ICA1L: variants seen among roughly 807,000 people sequenced by gnomAD.
The protein encoded by ICA1L is islet cell autoantigen 1-like protein.
Under a neutral mutation model 61.3 loss-of-function variants are expected in ICA1L, and 50 were observed. The ratio of observed to expected loss-of-function variants is 0.82; its 90% CI spans 0.65 to 1.03. The LOEUF is 1.03. Ranked by LOEUF, ICA1L falls within the 50% of genes least tolerant of loss-of-function variation. The probability of loss-of-function intolerance (pLI) is 0.00; values close to 1 mark genes in which losing one functional copy is unlikely to be tolerated. For missense variants in ICA1L, 508 were observed against 556.7 expected (o/e 0.91, Z 0.88); for synonymous variants, 161 against 191.3 (o/e 0.84, Z 1.31).
rs749021819 is a variant in ICA1L, at chr2:202,854,969, AAAAC to A, written c.-8+16646_-8+16649del. On this transcript the variant is annotated intron_variant, in intron 1 of 12. Transcript: ENST00000358299. ...TGAACCCAGGAGGCAGAGGTCTCAAAAAACAAACAAACAAAAAAAGAAACTCACT... is the reference window on the plus strand; with the variant it reads ...TGAACCCAGGAGGCAGAGGTCTCAAAAAACAAACAAAAAAAGAAACTCACT... Among the ~76,000 whole-genome samples the A allele has an allele frequency of 7.2e-5, 11 of 152,250 alleles. No individual in the cohort carries two copies. In the East Asian group the frequency reaches 1.5e-3, roughly 21 times the overall value.
chr2:202,784,623 A>T (rs1204201183), intron 12 of ICA1L, among the ~76,000 whole-genome samples: 1 of 152,210 alleles, frequency 6.6e-6, no homozygotes, highest in Admixed American at 6.5e-5. Flanking sequence ...TATCTGTCAA[A>T]CAGAGTATTA....
chr2:202,796,307 A>T lies in ICA1L; in HGVS notation c.985+583T>A, dbSNP rs187174657. On this transcript the variant is annotated intron_variant, in intron 10 of 12. Coordinates refer to ENST00000358299, the MANE Select transcript of ICA1L (RefSeq NM_001288622.3). ...GACTGTATTTAAAAGCTTTAAAAAAATTTTTTTAACTTAAAGAAATTTAAA... is the reference window on the plus strand; with the variant it reads ...GACTGTATTTAAAAGCTTTAAAAAATTTTTTTTAACTTAAAGAAATTTAAA... 3.8e-4 allele frequency among the ~76,000 whole-genome samples: 58 copies of T among 152,298 alleles called. 1 individual carries two copies. The highest frequency in any genetic ancestry group is 3.4e-3 in the Middle Eastern group (1 of 294).
intron 1 of ICA1L, among the ~76,000 whole-genome samples, chr2:202,835,230 TTTTTTTTTG>T (rs1694116307): frequency 6.8e-6 from 1 of 147,302 alleles, no homozygotes. Flanking sequence ...TTTTTTTTTT[TTTTTTTTTG>T]ACAGAGTCTT....
At chr2:202,829,841 A>T (rs934996324) in intron 1 of ICA1L, among the ~76,000 whole-genome samples, 13 of 152,206 alleles carry the variant, frequency 8.5e-5, no homozygotes, top group Non-Finnish European at 1.5e-4. Flanking sequence ...TGCTTTTGTA[A>T]TAAAACTGCA....
At chr2:202,806,090 A>T (rs1460801800) in intron 9 of ICA1L, among the ~76,000 whole-genome samples, 1 of 152,192 alleles carries the variant, frequency 6.6e-6, no homozygotes, top group African/African-American at 2.4e-5. Flanking sequence ...GCACTTCGGG[A>T]GGCTGAGCCG....
At chr2:202,847,911 C>A (rs1397130581) in intron 1 of ICA1L, among the ~76,000 whole-genome samples, 1 of 151,890 alleles carries the variant, frequency 6.6e-6, no homozygotes, top group African/African-American at 2.4e-5. Flanking sequence ...TAAAAAAGAA[C>A]AAAATCATGT....
rs755015399 is a variant in ICA1L at position 202,793,494 on chromosome 2, T to TAAAAAAA, written c.985+3389_985+3395dup. Among the ~76,000 whole-genome samples, 13 of 31,350 alleles carry TAAAAAAA rather than the reference T, an allele frequency of 4.1e-4. 1 individual carries two copies. Among genetic ancestry groups the TAAAAAAA allele is most frequent in the African/African-American group, 1.6e-3 (11 of 6,798 alleles). The allele number at this position is 31,350 out of a possible 152,430, so 20.6% of individuals were successfully genotyped here. A position where few individuals can be genotyped will look rare whatever the true frequency, so the allele number is the denominator to read the frequency against. Reference sequence around the variant, plus strand: ...CAACATGGCAATATCCCGTCTCTACTAAAAAAAAAAAAAAAAAAAAAAAAA... The same window carrying TAAAAAAA: ...CAACATGGCAATATCCCGTCTCTACTAAAAAAAAAAAAAAAAAAAAAAAAAAAAAAAA... On this transcript the variant is annotated intron_variant, in intron 10 of 12. Coordinates refer to ENST00000358299, the MANE Select transcript of ICA1L (RefSeq NM_001288622.3).
chr2:202,795,007 A>T (rs1692879456), intron 10 of ICA1L, among the ~76,000 whole-genome samples: 1 of 25,154 alleles, frequency 4.0e-5, no homozygotes, highest in Admixed American at 6.1e-4. Context: ...TAAGAAAATA[A>T]TAAAAAAAAA....
chr2:202,816,777 T>A (rs1693548485), intron 6 of ICA1L, among the ~76,000 whole-genome samples: 1 of 152,202 alleles, frequency 6.6e-6, no homozygotes, highest in African/African-American at 2.4e-5. Context: ...TTATTCAATT[T>A]TTTCCATTGA....
At chr2:202,825,608 T>C (rs1693820899) in intron 3 of ICA1L, 87 bp downstream of exon 3, 8 of 1,340,530 alleles carry the variant, frequency 6.0e-6, no homozygotes, top group Non-Finnish European at 7.9e-6. Context: ...ATTCACAAAA[T>C]TGTTTTTACA....
At chr2:202,798,366 G>T (rs958850058) in intron 9 of ICA1L, among the ~76,000 whole-genome samples, 20 of 152,146 alleles carry the variant, frequency 1.3e-4, no homozygotes, top group African/African-American at 4.6e-4. Context: ...CTCATCCCAA[G>T]TAGCTGGGAC....
At chr2:202,840,960 C>A (rs878878223) in intron 1 of ICA1L, 2 of 699,804 alleles carry the variant, frequency 2.9e-6, no homozygotes, top group South Asian at 1.4e-5. Context: ...CTCAGCCTGG[C>A]TGTGGTTGGC....
At chr2:202,865,228 G>C (rs973324867) in intron 1 of ICA1L, among the ~76,000 whole-genome samples, 3 of 151,898 alleles carry the variant, frequency 2.0e-5, no homozygotes, top group African/African-American at 7.3e-5. Flanking sequence ...CAGCACTCTG[G>C]AAGGCCGAGG....
At chr2:202,785,797 CATT>C (rs1476609855) in intron 12 of ICA1L, 118 bp downstream of exon 12, 1 of 547,380 alleles carries the variant, frequency 1.8e-6, no homozygotes, top group Non-Finnish European at 3.2e-6. Flanking sequence ...TAATAATAAT[CATT>C]ATTAAACTTT....
intron 1 of ICA1L, among the ~76,000 whole-genome samples, chr2:202,846,846 G>A (rs1343405382): frequency 1.3e-5 from 2 of 152,172 alleles, no homozygotes. Flanking sequence ...AAAAATATCT[G>A]AGAAGTTAAA....
At chr2:202,827,186 G>C (rs1286330987) in intron 2 of ICA1L, among the ~76,000 whole-genome samples, 3 of 152,168 alleles carry the variant, frequency 2.0e-5, no homozygotes, top group Non-Finnish European at 4.4e-5. Flanking sequence ...CTGAGGTCAG[G>C]AGTTTGAGAC....
At chr2:202,830,267 G>C (rs1457476727) in intron 1 of ICA1L, among the ~76,000 whole-genome samples, 5 of 152,088 alleles carry the variant, frequency 3.3e-5, no homozygotes, top group Admixed American at 2.6e-4. Context: ...AATTAGCCGG[G>C]CATGGTGGCA....
At chr2:202,862,272 C>CCCAA (rs1462555700) in intron 1 of ICA1L, among the ~76,000 whole-genome samples, 1 of 62,978 alleles carries the variant, frequency 1.6e-5, no homozygotes, top group Non-Finnish European at 2.6e-5. Flanking sequence ...CTCATTTCTA[C>CCCAA]AAAAAAAAAA....
chr2:202,841,459 T>C, intron 1 of ICA1L: 1 of 1,018,590 alleles, frequency 9.8e-7, no homozygotes, highest in Non-Finnish European at 1.5e-6. Context: ...GAATTGTACC[T>C]TGTCTATGGA....
Sources: gnomAD v4.1 joint callset for allele counts (sites outside exome capture counted in the v4.1 genomes callset) on GRCh38, gnomAD v4.1.1 for gene constraint, MANE v1.5 for transcripts, NCBI Gene and HGNC (gene_info 2026-07-23, HGNC 2026-07-21) for gene names.